The following SDR16C5 variants were observed in gnomAD, a reference collection of about 807,000 sequenced individuals.
SDR16C5 encodes short chain dehydrogenase/reductase family 16C member 5, also known as epidermal retinol dehydrogenase 2.
In SDR16C5, 20 loss-of-function variants were observed where a neutral mutation model predicts 27.7. That is an observed-to-expected ratio of 0.72 (90% confidence interval 0.51 to 1.05). The LOEUF (loss-of-function observed/expected upper bound fraction) is 1.05, where lower values mean the gene tolerates loss of function less well. SDR16C5 is among the 50% of genes least tolerant of loss of function. The pLI is 0.00. For missense variants in SDR16C5, 374 were observed against 366.3 expected, an observed-to-expected ratio of 1.02 and a Z score of -0.17; for synonymous variants, 139 against 132.3, an observed-to-expected ratio of 1.05 and a Z score of -0.35.
intron 6 of SDR16C5, 149 bp downstream of exon 6, chr8:56,305,448 G>T: frequency 1.5e-6 from 1 of 647,014 alleles, no homozygotes; most frequent in Non-Finnish European, 2.4e-6. Context: ...TGTCAGCAAT[G>T]GGCACAATGA....
chr8:56,311,549 C>T (rs569360983), intron 3 of SDR16C5, among the ~76,000 whole-genome samples: 7 of 152,310 alleles, frequency 4.6e-5, no homozygotes, highest in Non-Finnish European at 7.4e-5. Context: ...CAGAAACATG[C>T]AACTTCTGGA....
intron 3 of SDR16C5, chr8:56,309,658 T>G (rs1165355194): frequency 1.1e-6 from 1 of 869,884 alleles, no homozygotes; most frequent in African/African-American, 1.8e-5. Flanking sequence ...GAGTAACTAA[T>G]CACACCAAAG....
chr8:56,312,831 C>T (rs1351997340), intron 2 of SDR16C5, among the ~76,000 whole-genome samples: 1 of 146,156 alleles, frequency 6.8e-6, no homozygotes, highest in Non-Finnish European at 1.5e-5. Flanking sequence ...GGCTGGAGTG[C>T]AGTGGCACGA....
chr8:56,314,132 G>A (rs550766708), intron 2 of SDR16C5, among the ~76,000 whole-genome samples: 2 of 152,160 alleles, frequency 1.3e-5, no homozygotes, highest in East Asian at 1.9e-4. Context: ...GCTTGAACCC[G>A]GGAGGTGGAG....
At chr8:56,316,431 C>T (rs941034983) in intron 1 of SDR16C5, 70 bp from the exon 2 acceptor site, 2 of 927,918 alleles carry the variant, frequency 2.2e-6, no homozygotes, top group South Asian at 1.6e-5. Context: ...CTCCACGGAG[C>T]TCCTATTTTC....
At chr8:56,318,526 G>C (rs906171313) in intron 1 of SDR16C5, among the ~76,000 whole-genome samples, 6 of 152,056 alleles carry the variant, frequency 3.9e-5, no homozygotes, top group Non-Finnish European at 7.4e-5. Context: ...CGCCAACTTT[G>C]GAAAATCCAC....
In SDR16C5 at chr8:56,317,997, A is replaced by G. The variant is rs185082265; in HGVS notation, c.-14-1636T>C. ...TTATAAGCCATAGTGTTATAAAGAA[A>G]AGTGCAGTGTGCTATGGAGAGGATG... On this transcript the variant is annotated intron_variant, in intron 1 of 6. Transcript: ENST00000303749. Among the ~76,000 whole-genome samples the G allele has an allele frequency of 1.3e-3, 198 of 152,316 alleles. 1 individual carries two copies. The highest frequency in any genetic ancestry group is 0.012 in the Admixed American group (186 of 15,302).
intron 1 of SDR16C5, among the ~76,000 whole-genome samples, chr8:56,319,607 G>A (rs779000343): frequency 7.2e-5 from 11 of 152,316 alleles, no homozygotes; most frequent in Admixed American, 1.3e-4. Flanking sequence ...TCTGGTGAGG[G>A]CACCCGGACG....
intron 5 of SDR16C5, among the ~76,000 whole-genome samples, chr8:56,306,130 T>G (rs1397529417): frequency 1.3e-5 from 2 of 152,220 alleles, no homozygotes; most frequent in East Asian, 3.9e-4. Context: ...ACTCCCAATG[T>G]GACGGCATTT....
At chr8:56,308,042 A>T (rs1407718274) in intron 4 of SDR16C5, among the ~76,000 whole-genome samples, 1 of 152,192 alleles carries the variant, frequency 6.6e-6, no homozygotes, top group Non-Finnish European at 1.5e-5. Flanking sequence ...GGAGAGAGGA[A>T]GGGAAGTCCT....
At chr8:56,303,870 A>C in intron 6 of SDR16C5, 1 of 676,610 alleles carries the variant, frequency 1.5e-6, no homozygotes, top group Non-Finnish European at 2.7e-6. Context: ...CCCAATAAAC[A>C]GTGCATTACA....
At chr8:56,311,348 G>A (rs1815040623) in intron 3 of SDR16C5, among the ~76,000 whole-genome samples, 1 of 152,166 alleles carries the variant, frequency 6.6e-6, no homozygotes, top group Admixed American at 6.5e-5. Flanking sequence ...CCGGGAGGTT[G>A]GAGGTTGCAG....
chr8:56,314,227 C>T (rs573104169), intron 2 of SDR16C5, among the ~76,000 whole-genome samples: 1 of 151,846 alleles, frequency 6.6e-6, no homozygotes, highest in East Asian at 1.9e-4. Flanking sequence ...TTATCTGGTA[C>T]TTTCCTTTCT....
At chr8:56,308,397 C>T (rs1418544898) in intron 4 of SDR16C5, among the ~76,000 whole-genome samples, 3 of 152,180 alleles carry the variant, frequency 2.0e-5, no homozygotes, top group Non-Finnish European at 4.4e-5. Flanking sequence ...ATCTCTTTGC[C>T]CTCTCCCCAC....
Position 56,309,026 on chromosome 8 carries a change from G to A in SDR16C5, c.467C>T (p.Thr156Ile). 3 of 1,594,694 alleles carry A rather than the reference G, an allele frequency of 1.9e-6. No homozygotes were observed. The highest frequency in any genetic ancestry group is 2.6e-6 in the Non-Finnish European group (3 of 1,170,958). ...FDVNFKAHLW[T>I]YKAFLPAMIA... ...CATAGCAGGTAGAAAGGCTTTATAA[G>A]TCTAAGAATACAAAGGAAAACTTTT... is the stretch of plus-strand genomic sequence containing the variant. Residue 156 changes from threonine (T) to isoleucine (I), a missense_variant and splice_region_variant, in exon 4 of 7, where the codon ACT (threonine) becomes ATT (isoleucine). Thr to Ile is a moderately conservative substitution (Grantham distance 89). Transcript: ENST00000303749.
At chr8:56,308,839 G>T in intron 4 of SDR16C5, 89 bp downstream of exon 4, 1 of 846,810 alleles carries the variant, frequency 1.2e-6, no homozygotes, top group Non-Finnish European at 1.9e-6. Flanking sequence ...TTATCTTAGG[G>T]CATCAAGTCA....
intron 4 of SDR16C5, among the ~76,000 whole-genome samples, chr8:56,308,018 A>C (rs1037454029): frequency 2.6e-5 from 4 of 152,182 alleles, no homozygotes; most frequent in African/African-American, 7.2e-5. Flanking sequence ...ATAATACCTG[A>C]TAAGTTCTAA....
At chr8:56,319,882 C>T (rs549038718) in intron 1 of SDR16C5, among the ~76,000 whole-genome samples, 177 bp downstream of exon 1, 3 of 152,280 alleles carry the variant, frequency 2.0e-5, no homozygotes, top group Non-Finnish European at 4.4e-5. Flanking sequence ...CCGTGCGCTA[C>T]CCGGTGCAGC....
At chr8:56,304,213 G>A in intron 6 of SDR16C5, 1 of 596,752 alleles carries the variant, frequency 1.7e-6, no homozygotes. Flanking sequence ...TGGAAGTGAG[G>A]TATAATATCT....
Sources: allele counts gnomAD v4.1 joint callset (sites outside exome capture counted in the v4.1 genomes callset), GRCh38; gene constraint gnomAD v4.1.1; transcripts MANE v1.5; gene names NCBI Gene and HGNC (gene_info 2026-07-23, HGNC 2026-07-21).